Variants in HSPA12A observed in about 807,000 individuals in gnomAD.
HSPA12A encodes heat shock 70 kDa protein 12A.
HSPA12A carries 28 observed loss-of-function variants against 69.2 expected under a neutral mutation model. The ratio of observed to expected loss-of-function variants is 0.40; its 90% confidence interval spans 0.30 to 0.55. HSPA12A has a LOEUF of 0.55. HSPA12A is among the 20% of genes least tolerant of loss of function. HSPA12A has a pLI of 0.38. For synonymous variants in HSPA12A, 345 were observed against 370.5 expected, an observed-to-expected ratio of 0.93 and a Z score of 0.79; for missense variants, 686 against 900.7, an observed-to-expected ratio of 0.76 and a Z score of 3.05.
At chr10:116,746,489 C>A (rs1851652047), upstream of HSPA12A, among the ~76,000 whole-genome samples, 1 of 152,208 alleles carries the variant, frequency 6.6e-6, no homozygotes, top group Non-Finnish European at 1.5e-5. Context: ...AAGCAGAGAG[C>A]ATGGGGTCAG....
chr10:116,821,977 T>C (rs1845414993), intron 2 of HSPA12A, among the ~76,000 whole-genome samples: 1 of 152,278 alleles, frequency 6.6e-6, no homozygotes, highest in African/African-American at 2.4e-5. Flanking sequence ...AATGAGATAA[T>C]ATGAAACCAC....
rs61738958 is a variant in HSPA12A, at chr10:116,707,282, G to A, written c.44C>T (p.Thr15Met). The A allele has an allele frequency of 2.0e-4, 322 of 1,610,674 alleles. No homozygotes were observed. In the African/African-American group the frequency reaches 3.1e-3, roughly 15 times the overall value. The change falls in exon 2 of 12, where the codon ACG becomes ATG. Residue 15 changes from threonine to methionine, a missense_variant. Transcript: ENST00000369209. ...EAGGSDGPRE[T>M]APTSAYSSPA... is the part of the protein sequence containing the mutation. ...AGATGAATATGCAGATGTGGGAGCC[G>A]TTTCTGAAAGGAAAAACAAAGCCGC...
intron 1 of HSPA12A, among the ~76,000 whole-genome samples, chr10:116,740,672 GTGT>G (rs1851467376): frequency 0.014 from 44 of 3,206 alleles, no homozygotes; most frequent in African/African-American, 0.025. Context: ...GTGTGTGTGT[GTGT>G]CTGTGTGTGT....
intron 6 of HSPA12A, among the ~76,000 whole-genome samples, chr10:116,687,826 C>T (rs1311697101): frequency 6.6e-6 from 1 of 152,230 alleles, no homozygotes; most frequent in Non-Finnish European, 1.5e-5. Flanking sequence ...CGTGAGCCCT[C>T]CCTCCACTGG....
chr10:116,720,459 C>G (rs1465506362), intron 1 of HSPA12A, among the ~76,000 whole-genome samples: 1 of 152,224 alleles, frequency 6.6e-6, no homozygotes, highest in Non-Finnish European at 1.5e-5. Context: ...GCGCCCTAGT[C>G]AGACAGCTGC....
At chr10:116,830,952 C>CATAT (rs1224701262) in intron 2 of HSPA12A, 3 of 139,902 alleles carry the variant, frequency 2.1e-5, no homozygotes, top group Non-Finnish European at 4.4e-5. Context: ...GACTGTCCTG[C>CATAT]ATATAATAGC....
At chr10:116,789,022 C>T (rs1277541034) in intron 2 of HSPA12A, among the ~76,000 whole-genome samples, 20 of 152,056 alleles carry the variant, frequency 1.3e-4, no homozygotes, top group Non-Finnish European at 2.9e-4. Context: ...CCTGCCACAA[C>T]GCCCAGCTGA....
intron 2 of HSPA12A, among the ~76,000 whole-genome samples, chr10:116,778,274 T>G (rs1337489109): frequency 6.6e-6 from 1 of 152,218 alleles, no homozygotes; most frequent in African/African-American, 2.4e-5. Context: ...CTTTCATGAA[T>G]GCACTTAATT....
chr10:116,755,677 T>C (rs1589687470), intron 2 of HSPA12A, among the ~76,000 whole-genome samples: 1 of 143,154 alleles, frequency 7.0e-6, no homozygotes, highest in Non-Finnish European at 1.5e-5. Flanking sequence ...AAGCGGGGGA[T>C]TGGGAGGAGG....
chr10:116,774,976 G>T (rs913699044), intron 2 of HSPA12A, among the ~76,000 whole-genome samples: 32 of 147,248 alleles, frequency 2.2e-4, no homozygotes, highest in Middle Eastern at 7.0e-3. Context: ...CACACCCACC[G>T]CCACTGCTCC....
At chr10:116,774,466 A>C (rs1554890888) in intron 2 of HSPA12A, among the ~76,000 whole-genome samples, 2 of 152,184 alleles carry the variant, frequency 1.3e-5, no homozygotes. Flanking sequence ...CTCAGGCCCC[A>C]AGGCAGATCT....
At chr10:116,737,629 C>G (rs1554886547) in intron 1 of HSPA12A, among the ~76,000 whole-genome samples, 1 of 152,126 alleles carries the variant, frequency 6.6e-6, no homozygotes, top group Non-Finnish European at 1.5e-5. Flanking sequence ...TCCAGCAAAC[C>G]AGGACATATG....
At chr10:116,809,566 T>A (rs1845133920) in intron 2 of HSPA12A, among the ~76,000 whole-genome samples, 1 of 152,184 alleles carries the variant, frequency 6.6e-6, no homozygotes, top group South Asian at 2.1e-4. Flanking sequence ...CAGGAAGTGC[T>A]CAACTGACGT....
chr10:116,730,206 G>A (rs1333996971), intron 1 of HSPA12A, among the ~76,000 whole-genome samples: 1 of 152,160 alleles, frequency 6.6e-6, no homozygotes, highest in Non-Finnish European at 1.5e-5. Flanking sequence ...TGATGATGAT[G>A]CCTAACATTG....
chr10:116,707,375 G>A, intron 1 of HSPA12A, 90 bp from the exon 2 acceptor site: 1 of 1,006,482 alleles, frequency 9.9e-7, no homozygotes, highest in Non-Finnish European at 1.5e-6. Context: ...AACTCCTCCA[G>A]GAACTGCGGC....
intron 2 of HSPA12A, among the ~76,000 whole-genome samples, chr10:116,805,698 G>T (rs1267314076): frequency 6.6e-6 from 1 of 152,040 alleles, no homozygotes; most frequent in Non-Finnish European, 1.5e-5. Flanking sequence ...ACTGTAAACG[G>T]CCCCATTTAT....
At chr10:116,716,856 G>A (rs1850622497) in intron 1 of HSPA12A, among the ~76,000 whole-genome samples, 1 of 152,114 alleles carries the variant, frequency 6.6e-6, no homozygotes, top group Admixed American at 6.5e-5. Context: ...CACAGGACCA[G>A]TGAAACTCTG....
chr10:116,678,656 TATTA>T (rs1187404449), intron 10 of HSPA12A, among the ~76,000 whole-genome samples: 3 of 151,418 alleles, frequency 2.0e-5, no homozygotes, highest in Admixed American at 6.6e-5. Flanking sequence ...ATTGAGGAAT[TATTA>T]ATTGTTAAGT....
chr10:116,823,926 A>G (rs780838934), intron 2 of HSPA12A, among the ~76,000 whole-genome samples: 2 of 152,182 alleles, frequency 1.3e-5, no homozygotes, highest in African/African-American at 2.4e-5. Context: ...AAAATTAAAA[A>G]CCTTCATGCT....
Sources: allele counts gnomAD v4.1 joint callset (sites outside exome capture counted in the v4.1 genomes callset), GRCh38; gene constraint gnomAD v4.1.1; transcripts MANE v1.5; gene names NCBI Gene and HGNC (gene_info 2026-07-23, HGNC 2026-07-21).